Variants in PCDHGB6 observed in about 807,000 individuals in gnomAD.
PCDHGB6 encodes the protein protocadherin gamma-B6.
In PCDHGB6, 51 loss-of-function variants were observed where a neutral mutation model predicts 59.1. The observed-to-expected ratio is 0.86, with a 90% confidence interval of 0.69 to 1.09. The LOEUF is 1.09. Ranked by LOEUF, PCDHGB6 falls within the 50% of genes least tolerant of loss-of-function variation. The pLI is 0.00. For synonymous variants in PCDHGB6, 466 were observed against 495.1 expected (o/e 0.94, Z 0.78); for missense variants, 1,148 against 1,205.1 (o/e 0.95, Z 0.70).
At chr5:141,464,923 A>G (rs544281066) in intron 1 of PCDHGB6, among the ~76,000 whole-genome samples, 3 of 151,406 alleles carry the variant, frequency 2.0e-5, no homozygotes, top group Non-Finnish European at 4.4e-5. Flanking sequence ...ATTTTTTTGT[A>G]GAGATGTGAG....
intron 1 of PCDHGB6, among the ~76,000 whole-genome samples, chr5:141,488,115 G>A (rs936010936): frequency 1.4e-4 from 21 of 152,298 alleles, no homozygotes; most frequent in Middle Eastern, 3.4e-3. Flanking sequence ...TTGAAACATA[G>A]AGACAGCAGA....
At chr5:141,453,071 C>G (rs561248978) in intron 1 of PCDHGB6, among the ~76,000 whole-genome samples, 13 of 152,150 alleles carry the variant, frequency 8.5e-5, no homozygotes, top group South Asian at 2.1e-4. Flanking sequence ...TTTTGCCACA[C>G]TCTGGTTGAT....
At position 141,444,986 on chromosome 5, in the gene PCDHGB6, T is replaced by C. The variant is rs990862582; in HGVS notation, c.2418+34366T>C. On this transcript the variant is annotated intron_variant, in intron 1 of 3. Transcript: ENST00000520790. ...TGACACTTCAAATCCATGAACATGG[T>C]ATATATTTCCATTTAATTAGGTCTT... Among the ~76,000 whole-genome samples, 4 of 152,206 alleles carry C rather than the reference T, an allele frequency of 2.6e-5. No individual in the cohort carries two copies. The East Asian group carries it at 7.7e-4, about 29-fold the overall frequency.
At chr5:141,443,113 T>C (rs2098364390) in intron 1 of PCDHGB6, among the ~76,000 whole-genome samples, 1 of 152,040 alleles carries the variant, frequency 6.6e-6, no homozygotes, top group African/African-American at 2.4e-5. Flanking sequence ...ACCTTGCTTT[T>C]CAAACCAGAT....
intron 1 of PCDHGB6, among the ~76,000 whole-genome samples, chr5:141,470,142 A>G (rs1308458765): frequency 6.6e-6 from 1 of 152,044 alleles, no homozygotes; most frequent in Non-Finnish European, 1.5e-5. Context: ...AAAAAAGATC[A>G]TAGATCATCT....
chr5:141,498,146 G>A (rs924380243), intron 2 of PCDHGB6, among the ~76,000 whole-genome samples: 1 of 152,200 alleles, frequency 6.6e-6, no homozygotes, highest in Non-Finnish European at 1.5e-5. Context: ...GGACATCCTG[G>A]AAATGAAGTT....
rs750216656 is a variant in PCDHGB6 at position 141,422,121 on chromosome 5, A to G, written c.2418+11501A>G. 4.4e-6 allele frequency: 7 copies of G among 1,602,838 alleles called. No individual in the cohort carries two copies. In the Admixed American group the frequency reaches 8.8e-5, roughly 20 times the overall value. On this transcript the variant is annotated intron_variant, in intron 1 of 3. Coordinates refer to ENST00000520790, the MANE Select transcript of PCDHGB6 (RefSeq NM_018926.3). ...CTGAAATATTCCAATTGGATTCACA[A>G]ACTGGAGAAGTTCAAGTACGGGGGT...
chr5:141,450,758 A>G (rs1007910264), intron 1 of PCDHGB6, among the ~76,000 whole-genome samples: 2 of 151,784 alleles, frequency 1.3e-5, no homozygotes, highest in African/African-American at 4.8e-5. Flanking sequence ...AAGTGCCGGG[A>G]TTACAGGCAT....
chr5:141,441,810 C>A, intron 1 of PCDHGB6: 1 of 372,576 alleles, frequency 2.7e-6, no homozygotes. Context: ...GGTGCTGTAC[C>A]CCAGCTCTGG....
intron 3 of PCDHGB6, among the ~76,000 whole-genome samples, chr5:141,509,437 C>T (rs923580110): frequency 2.6e-5 from 4 of 152,104 alleles, no homozygotes; most frequent in African/African-American, 9.7e-5. Context: ...ACTCTTGTTT[C>T]CTCCTCTCCC....
chr5:141,408,824 C>T lies in PCDHGB6; in HGVS notation c.622C>T (p.His208Tyr). The T allele has an allele frequency of 6.2e-7, 1 of 1,613,560 alleles. No individual in the cohort carries two copies. The highest frequency in any genetic ancestry group is 1.1e-5 in the South Asian group (1 of 91,008). ...CCTAGACCGGGAAGAACAGAGATCT[C>T]ATAGCTTGATATTGACTGCCTTGGA... ...KLLDREEQRSHSLILTALDGG... is the reference protein window; with the variant it reads ...KLLDREEQRSYSLILTALDGG... Residue 208 changes from histidine (H) to tyrosine (Y), a missense_variant, in exon 1 of 4, where the codon CAT (histidine) becomes TAT (tyrosine). Transcript: ENST00000520790.
intron 1 of PCDHGB6, among the ~76,000 whole-genome samples, chr5:141,455,423 CA>C (rs2098822271): frequency 6.6e-6 from 1 of 152,040 alleles, no homozygotes; most frequent in Non-Finnish European, 1.5e-5. Flanking sequence ...AGCGGGGCTC[CA>C]AAAGAGGAGG....
At chr5:141,500,455 C>T (rs1254764658) in intron 2 of PCDHGB6, among the ~76,000 whole-genome samples, 4 of 151,986 alleles carry the variant, frequency 2.6e-5, no homozygotes, top group Non-Finnish European at 5.9e-5. Context: ...GTGATCCGCC[C>T]GCCTCGGCCT....
At chr5:141,444,255 T>G (rs764607115) in intron 1 of PCDHGB6, among the ~76,000 whole-genome samples, 8 of 130,834 alleles carry the variant, frequency 6.1e-5, no homozygotes, top group Non-Finnish European at 1.2e-4. Context: ...CACTGCAACC[T>G]CCGCCTCCCA....
intron 1 of PCDHGB6, among the ~76,000 whole-genome samples, chr5:141,469,808 A>C (rs1253675252): frequency 2.0e-5 from 3 of 152,174 alleles, no homozygotes; most frequent in Admixed American, 6.5e-5. Flanking sequence ...AAAACATTGT[A>C]GATAGAATGG....
chr5:141,480,380 A>C (rs1192159457), intron 1 of PCDHGB6, among the ~76,000 whole-genome samples: 3 of 151,970 alleles, frequency 2.0e-5, no homozygotes, highest in African/African-American at 4.8e-5. Context: ...GCACCACTAC[A>C]CTTCAACCAT....
At chr5:141,481,913 C>CAAAAA (rs34114744) in intron 1 of PCDHGB6, among the ~76,000 whole-genome samples, 2 of 90,852 alleles carry the variant, frequency 2.2e-5, no homozygotes, top group Non-Finnish European at 4.4e-5. Flanking sequence ...AACTCCATCT[C>CAAAAA]AAAAAAAAAA....
rs2099883627 is a variant in PCDHGB6, at chr5:141,511,136, G to A, written c.2756G>A (p.Gly919Asp). 4.3e-6 allele frequency: 7 copies of A among 1,614,194 alleles called. No homozygotes were observed. The East Asian group carries it at 1.6e-4, about 36-fold the overall frequency. The change falls in exon 4 of 4, where the codon GGC (glycine) becomes GAC (aspartate). Residue 919 changes from glycine (G) to aspartate (D), a missense_variant. Physicochemically the swap from Gly to Asp is moderately conservative, Grantham distance 94. This residue lies in a region of PCDHGB6 where 283 missense variants were observed against 318.6 expected (regional missense o/e 0.89). Coordinates refer to ENST00000520790, the MANE Select transcript of PCDHGB6 (RefSeq NM_018926.3). ...GGCAAGGCCCCAGCAGGTGGCAATG[G>A]CAACAAGAAGAAGTCGGGCAAGAAG... Reference protein sequence around the residue: ...RDGKAPAGGNGNKKKSGKKEK... With the variant: ...RDGKAPAGGNDNKKKSGKKEK...
intron 1 of PCDHGB6, among the ~76,000 whole-genome samples, chr5:141,445,332 A>G (rs1364481039): frequency 1.4e-4 from 22 of 152,140 alleles, no homozygotes; most frequent in Admixed American, 1.4e-3. Context: ...CCATCCAGAA[A>G]CAGTAAACAT....
Sources: allele counts gnomAD v4.1 joint callset (sites outside exome capture counted in the v4.1 genomes callset), GRCh38; gene constraint gnomAD v4.1.1; regional missense constraint gnomAD v4.1.1; transcripts MANE v1.5; gene names NCBI Gene and HGNC (gene_info 2026-07-23, HGNC 2026-07-21).